Variants in KCNAB1 observed in about 807,000 individuals in gnomAD.
The protein encoded by KCNAB1 is potassium voltage-gated channel subfamily A regulatory beta subunit 1.
Under a neutral mutation model 64.6 loss-of-function variants are expected in KCNAB1, and 35 were observed. That is an observed-to-expected ratio of 0.54 (90% CI 0.41 to 0.72). The LOEUF is 0.72. Ranked by LOEUF, KCNAB1 falls within the 30% of genes least tolerant of loss-of-function variation. The pLI is 0.00. For missense variants in KCNAB1, 401 were observed against 512.9 expected (o/e 0.78, Z 2.11); for synonymous variants, 177 against 183.8 (o/e 0.96, Z 0.30).
At chr3:156,335,725 C>A (rs1041930526) in intron 1 of KCNAB1, among the ~76,000 whole-genome samples, 4 of 151,964 alleles carry the variant, frequency 2.6e-5, no homozygotes, top group Non-Finnish European at 4.4e-5. Flanking sequence ...TTTCACCTGT[C>A]GTTTGGTATT....
At chr3:156,225,057 C>T (rs1307010417) in intron 1 of KCNAB1, among the ~76,000 whole-genome samples, 1 of 152,120 alleles carries the variant, frequency 6.6e-6, no homozygotes, top group African/African-American at 2.4e-5. Context: ...GAAATCCTCC[C>T]TAAATCATTC....
At chr3:156,346,414 A>G (rs767557139) in intron 1 of KCNAB1, among the ~76,000 whole-genome samples, 1 of 152,176 alleles carries the variant, frequency 6.6e-6, no homozygotes, top group Non-Finnish European at 1.5e-5. Context: ...GTATGGTAAA[A>G]TGAAAGTCCA....
At chr3:156,455,750 G>A (rs1020924166) in intron 3 of KCNAB1, among the ~76,000 whole-genome samples, 6 of 152,142 alleles carry the variant, frequency 3.9e-5, no homozygotes, top group Admixed American at 6.5e-5. Context: ...GTCTCTGGCC[G>A]TGTGGGTCTT....
At chr3:156,174,153 A>G (rs572812302) in intron 1 of KCNAB1, among the ~76,000 whole-genome samples, 2 of 152,332 alleles carry the variant, frequency 1.3e-5, no homozygotes, top group South Asian at 4.1e-4. Flanking sequence ...CTGGTTCTCT[A>G]GAGAACTCTA....
chr3:156,423,200 T>C (rs1256958468), intron 2 of KCNAB1, among the ~76,000 whole-genome samples: 1 of 152,190 alleles, frequency 6.6e-6, no homozygotes, highest in African/African-American at 2.4e-5. Context: ...ACAAGTGGGA[T>C]CAGAGAGGTT....
At chr3:156,436,650 T>A (rs113017317) in intron 2 of KCNAB1, among the ~76,000 whole-genome samples, 5,554 of 152,284 alleles carry the variant, frequency 0.036, 342 homozygotes, top group African/African-American at 0.13. Flanking sequence ...TTTGATTTGC[T>A]TTTCTCTAAT....
chr3:156,504,999 A>T (rs1309278524), intron 8 of KCNAB1, among the ~76,000 whole-genome samples: 3 of 151,914 alleles, frequency 2.0e-5, no homozygotes, highest in Non-Finnish European at 4.4e-5. Flanking sequence ...TTCCTGAAGC[A>T]TTTCCCCTGT....
intron 2 of KCNAB1, among the ~76,000 whole-genome samples, chr3:156,429,588 A>G (rs932094917): frequency 6.6e-6 from 1 of 152,212 alleles, no homozygotes; most frequent in African/African-American, 2.4e-5. Context: ...CGTCTGCCTT[A>G]GTGATGCTCT....
chr3:156,252,706 A>G (rs1001913684), intron 1 of KCNAB1, among the ~76,000 whole-genome samples: 5 of 152,198 alleles, frequency 3.3e-5, no homozygotes, highest in Non-Finnish European at 5.9e-5. Flanking sequence ...TGAGTGCCCA[A>G]GATGCATTAC....
intron 1 of KCNAB1, among the ~76,000 whole-genome samples, chr3:156,175,559 C>T (rs532603953): frequency 1.3e-5 from 2 of 152,312 alleles, no homozygotes; most frequent in South Asian, 4.1e-4. Context: ...GCGGAGCTTG[C>T]AGTGAGCCGA....
chr3:156,167,530 C>T (rs1330466469), intron 1 of KCNAB1, among the ~76,000 whole-genome samples: 2 of 151,980 alleles, frequency 1.3e-5, no homozygotes, highest in Non-Finnish European at 2.9e-5. Context: ...TAAAACAAAC[C>T]CCAAGGGTGT....
At chr3:156,525,454 G>A (rs1430191545) in intron 12 of KCNAB1, among the ~76,000 whole-genome samples, 1 of 152,156 alleles carries the variant, frequency 6.6e-6, no homozygotes, top group Non-Finnish European at 1.5e-5. Flanking sequence ...CTTTTGTACA[G>A]CTGTACAATG....
chr3:156,294,554 C>A (rs1382812554), intron 1 of KCNAB1, among the ~76,000 whole-genome samples: 1 of 152,014 alleles, frequency 6.6e-6, no homozygotes, highest in African/African-American at 2.4e-5. Context: ...CTAAATTATC[C>A]TTTTTTACAT....
rs564277928 is a variant in KCNAB1 at position 156,223,977 on chromosome 3, G to C, written c.275+103091G>C. Among the ~76,000 whole-genome samples, 20 of 152,360 alleles carry C rather than the reference G, an allele frequency of 1.3e-4. No homozygotes were observed. In the South Asian group the frequency reaches 3.7e-3, roughly 28 times the overall value. On this transcript the variant is annotated intron_variant, in intron 1 of 13. Transcript: ENST00000490337. ...GGAGCAGGGGGCAGCGCTCATCAGG[G>C]AGGCTCAGGCCGCGCAGGAGCCCAC... is the stretch of plus-strand genomic sequence containing the variant.
chr3:156,282,090 C>G (rs1292419535), intron 1 of KCNAB1, among the ~76,000 whole-genome samples: 2 of 149,766 alleles, frequency 1.3e-5, no homozygotes, highest in Non-Finnish European at 3.0e-5. Context: ...CCTGCTTTCT[C>G]TTGTGGGCAT....
At chr3:156,316,833 T>A (rs2108017233) in intron 1 of KCNAB1, among the ~76,000 whole-genome samples, 1 of 152,230 alleles carries the variant, frequency 6.6e-6, no homozygotes, top group East Asian at 1.9e-4. Context: ...CCAGAAGACA[T>A]GGGAACTCCA....
In KCNAB1 at chr3:156,464,627, A is replaced by C. The variant is rs532210471; in HGVS notation, c.527+881A>C. On this transcript the variant is annotated intron_variant, in intron 6 of 13. Coordinates refer to ENST00000490337, the MANE Select transcript of KCNAB1 (RefSeq NM_172160.3). ...ATTCTTCTTTAGGAACCTTCTAATC[A>C]AAATGTCTATGTGTATATACACACT... 2.0e-5 allele frequency among the ~76,000 whole-genome samples: 3 copies of C among 152,320 alleles called. No individual in the cohort carries two copies. The East Asian group carries it at 5.8e-4, about 29-fold the overall frequency.
At chr3:156,494,149 C>T (rs956852980) in intron 8 of KCNAB1, among the ~76,000 whole-genome samples, 11 of 152,076 alleles carry the variant, frequency 7.2e-5, no homozygotes, top group African/African-American at 2.7e-4. Context: ...ACACTTTCAA[C>T]GTTTGCAGGG....
At chr3:156,248,499 A>C (rs994261114) in intron 1 of KCNAB1, among the ~76,000 whole-genome samples, 3 of 144,576 alleles carry the variant, frequency 2.1e-5, no homozygotes, top group Non-Finnish European at 4.5e-5. Context: ...TTTTGGTAAC[A>C]GACCCCTCTG....
Sources: allele counts gnomAD v4.1 joint callset (sites outside exome capture counted in the v4.1 genomes callset), GRCh38; gene constraint gnomAD v4.1.1; transcripts MANE v1.5; gene names NCBI Gene and HGNC (gene_info 2026-07-23, HGNC 2026-07-21).